DPP6: variants seen among roughly 807,000 people sequenced by gnomAD.
The protein encoded by DPP6 is A-type potassium channel modulatory protein DPP6.
A neutral mutation model predicts 122.6 loss-of-function variants in DPP6; 69 were observed. The ratio of observed to expected loss-of-function variants is 0.56; its 90% CI spans 0.46 to 0.69. DPP6 has a LOEUF of 0.69. Ranked by LOEUF, DPP6 falls within the 30% of genes least tolerant of loss-of-function variation. DPP6 has a pLI of 0.00. For synonymous variants in DPP6, 418 were observed against 433.1 expected (o/e 0.97, Z 0.43); for missense variants, 928 against 1,116.9 (o/e 0.83, Z 2.41).
the DPP6 span, among the ~76,000 whole-genome samples, chr7:153,792,227 C>T: frequency 9.2e-5 from 14 of 152,298 alleles, no homozygotes; most frequent in South Asian, 2.9e-3. Context: ...CTCTTCATTT[C>T]CATTTCCATA....
chr7:154,498,734 C>T lies in DPP6; in HGVS notation c.457+23697C>T, dbSNP rs538730408. ...TTCCAACCTCAGCACTATTGACATT[C>T]GGACCAGATGATTCTTTGTTGCAGC... is the stretch of plus-strand genomic sequence containing the variant. On this transcript the variant is annotated intron_variant, in intron 3 of 25. Coordinates refer to ENST00000377770, the MANE Select transcript of DPP6 (RefSeq NM_130797.4). Among the ~76,000 whole-genome samples the T allele has an allele frequency of 5.4e-4, 82 of 152,214 alleles. 1 individual carries two copies. The highest frequency in any genetic ancestry group is 1.6e-3 in the African/African-American group (67 of 41,530).
intron 1 of DPP6, among the ~76,000 whole-genome samples, chr7:154,108,774 G>A (rs1302251044): frequency 6.6e-6 from 1 of 152,192 alleles, no homozygotes; most frequent in Non-Finnish European, 1.5e-5. Context: ...AGCCACTGGG[G>A]CGGACAGGTT....
At chr7:153,756,459 C>A in the DPP6 span, among the ~76,000 whole-genome samples, 2 of 152,064 alleles carry the variant, frequency 1.3e-5, no homozygotes, top group Admixed American at 1.3e-4. Flanking sequence ...TGTGGTTCAT[C>A]TTCTCCATCT....
At chr7:154,889,793 T>C in intron 25 of DPP6, 1 of 502,788 alleles carries the variant, frequency 2.0e-6, no homozygotes. Flanking sequence ...CCAGCCCTGC[T>C]CCCCTCCTCC....
chr7:154,259,035 C>T (rs899069434), intron 1 of DPP6, among the ~76,000 whole-genome samples: 7 of 152,104 alleles, frequency 4.6e-5, no homozygotes, highest in Non-Finnish European at 1.0e-4. Flanking sequence ...GTGTTGAAAT[C>T]GGACGGAAGT....
At chr7:154,732,114 C>T (rs1488120785) in intron 8 of DPP6, among the ~76,000 whole-genome samples, 1 of 151,918 alleles carries the variant, frequency 6.6e-6, no homozygotes, top group Non-Finnish European at 1.5e-5. Flanking sequence ...TCTCGGCTCA[C>T]TGCAAGCTCC....
At chr7:154,730,204 A>G (rs1233294005) in intron 8 of DPP6, among the ~76,000 whole-genome samples, 2 of 152,166 alleles carry the variant, frequency 1.3e-5, no homozygotes, top group Non-Finnish European at 2.9e-5. Context: ...TCCCACTAAC[A>G]GCTCTTTTGC....
At chr7:154,442,728 T>A (rs1401918102) in intron 1 of DPP6, among the ~76,000 whole-genome samples, 1 of 152,144 alleles carries the variant, frequency 6.6e-6, no homozygotes, top group Non-Finnish European at 1.5e-5. Context: ...AAGGGATACA[T>A]AAATATATCC....
At chr7:154,137,061 T>C (rs1029643621) in intron 1 of DPP6, among the ~76,000 whole-genome samples, 1 of 152,192 alleles carries the variant, frequency 6.6e-6, no homozygotes, top group African/African-American at 2.4e-5. Flanking sequence ...GGGGACATTC[T>C]TATGAAGCCC....
intron 3 of DPP6, among the ~76,000 whole-genome samples, chr7:154,528,086 G>A (rs1827554492): frequency 6.6e-6 from 1 of 151,976 alleles, no homozygotes; most frequent in South Asian, 2.1e-4. Flanking sequence ...GAATCGCATA[G>A]GTACACAGGA....
chr7:154,011,031 T>G (rs1417177805), intron 1 of DPP6, among the ~76,000 whole-genome samples: 1 of 152,198 alleles, frequency 6.6e-6, no homozygotes, highest in Non-Finnish European at 1.5e-5. Flanking sequence ...AATATGCCAT[T>G]GAGAATGTTG....
intron 1 of DPP6, among the ~76,000 whole-genome samples, chr7:154,107,270 G>A (rs1316353693): frequency 1.3e-5 from 2 of 152,198 alleles, no homozygotes; most frequent in East Asian, 3.9e-4. Flanking sequence ...AAGCAGGAGA[G>A]TCTGTCAATT....
intron 1 of DPP6, among the ~76,000 whole-genome samples, chr7:154,232,547 G>A (rs1007238388): frequency 1.3e-5 from 2 of 152,200 alleles, no homozygotes; most frequent in Non-Finnish European, 2.9e-5. Flanking sequence ...CTTCCATGAG[G>A]TTGGTTGTGA....
rs547379156 is a variant in DPP6, at chr7:154,584,955, T to C, written c.627+18039T>C. Among the ~76,000 whole-genome samples the C allele has an allele frequency of 2.6e-5, 4 of 152,342 alleles. No homozygotes were observed. In the South Asian group the frequency reaches 6.2e-4, roughly 24 times the overall value. ...TAAAAATATGTATAGCTAGTTTTTG[T>C]TGTGCAATTCTATGAGCTTTAAGAC... On this transcript the variant is annotated intron_variant, in intron 5 of 25. Coordinates refer to ENST00000377770, the MANE Select transcript of DPP6 (RefSeq NM_130797.4).
chr7:153,900,404 A>G (rs1012589049), intron 1 of DPP6, among the ~76,000 whole-genome samples: 9 of 152,086 alleles, frequency 5.9e-5, no homozygotes, highest in South Asian at 4.1e-4. Flanking sequence ...TATTTTGCTC[A>G]CGGTTCTGCA....
chr7:154,127,404 A>G (rs1807966369), intron 1 of DPP6, among the ~76,000 whole-genome samples: 1 of 152,208 alleles, frequency 6.6e-6, no homozygotes, highest in Non-Finnish European at 1.5e-5. Context: ...AATGTAGTCA[A>G]GAAAAGGGCT....
At position 154,030,041 on chromosome 7, in the gene DPP6, C is replaced by A. The variant is rs189165629; in HGVS notation, c.51+142307C>A. Among the ~76,000 whole-genome samples the A allele has an allele frequency of 1.5e-4, 23 of 152,086 alleles. 1 individual carries two copies. The East Asian group carries it at 1.7e-3, about 12-fold the overall frequency. The stretch of plus-strand genomic sequence containing the variant: ...CAAAACCCCATCTCTACTAAAAATA[C>A]AAGAATTAGCCAGGCGTGGCGGCGC... On this transcript the variant is annotated intron_variant, in intron 1 of 25. Coordinates refer to the DPP6 transcript ENST00000404039.
At chr7:154,545,025 G>T (rs748668692) in intron 4 of DPP6, among the ~76,000 whole-genome samples, 4 of 152,214 alleles carry the variant, frequency 2.6e-5, no homozygotes, top group Non-Finnish European at 4.4e-5. Flanking sequence ...ATCCCAGAGT[G>T]AGGCAGAGGC....
chr7:154,391,134 CCG>C (rs1353628834), intron 1 of DPP6, among the ~76,000 whole-genome samples: 1 of 152,202 alleles, frequency 6.6e-6, no homozygotes, highest in African/African-American at 2.4e-5. Context: ...TCACTGTCCG[CCG>C]CGCGGCATCC....
Sources: gnomAD v4.1 joint callset for allele counts (sites outside exome capture counted in the v4.1 genomes callset) on GRCh38, gnomAD v4.1.1 for gene constraint, MANE v1.5 for transcripts, NCBI Gene and HGNC (gene_info 2026-07-23, HGNC 2026-07-21) for gene names.